Variants in DOCK1 observed in about 807,000 individuals in gnomAD.
DOCK1 encodes dedicator of cytokinesis protein 1.
In DOCK1, 138 loss-of-function variants were observed where a neutral mutation model predicts 262.7. The observed-to-expected ratio is 0.53, with a 90% CI of 0.46 to 0.61. The LOEUF is 0.61. Ranked by LOEUF, DOCK1 falls within the 20% of genes least tolerant of loss-of-function variation. The probability of loss-of-function intolerance (pLI) is 0.00; values close to 1 mark genes in which losing one functional copy is unlikely to be tolerated. For synonymous variants in DOCK1, 866 were observed against 867.4 expected (o/e 1.00, Z 0.03); for missense variants, 1,908 against 2,370.7 (o/e 0.80, Z 4.05).
At chr10:127,025,730 A>G (rs574611353) in intron 15 of DOCK1, among the ~76,000 whole-genome samples, 1 of 152,174 alleles carries the variant, frequency 6.6e-6, no homozygotes, top group African/African-American at 2.4e-5. Context: ...GATTACAGGC[A>G]TGAGCCACCA....
chr10:127,434,263 T>C (rs988743703), intron 48 of DOCK1, among the ~76,000 whole-genome samples: 2 of 152,188 alleles, frequency 1.3e-5, no homozygotes, highest in Admixed American at 6.5e-5. Flanking sequence ...TTTAAGTGAA[T>C]GCTTCTGAGA....
chr10:127,262,213 C>CCTGTGTGT (rs372547717), intron 29 of DOCK1, among the ~76,000 whole-genome samples: 1 of 126,484 alleles, frequency 7.9e-6, no homozygotes, highest in Non-Finnish European at 1.7e-5. Context: ...TGTGTGTGTG[C>CCTGTGTGT]GTGTGTGTGT....
intron 29 of DOCK1, among the ~76,000 whole-genome samples, chr10:127,282,248 T>TTCTCTC (rs146601755): frequency 6.7e-6 from 1 of 149,256 alleles, no homozygotes; most frequent in Non-Finnish European, 1.5e-5. Flanking sequence ...TCTGTCTCTT[T>TTCTCTC]TCTCTCTCTC....
At chr10:127,372,974 A>G (rs562670761) in intron 33 of DOCK1, among the ~76,000 whole-genome samples, 7 of 152,186 alleles carry the variant, frequency 4.6e-5, no homozygotes, top group Non-Finnish European at 7.3e-5. Flanking sequence ...TCAGATGGCT[A>G]TGAACTCTGC....
intron 29 of DOCK1, among the ~76,000 whole-genome samples, chr10:127,258,718 A>T (rs887388877): frequency 1.3e-5 from 2 of 152,224 alleles, no homozygotes; most frequent in Non-Finnish European, 2.9e-5. Flanking sequence ...GAAACTGCCA[A>T]TCTATGGCTG....
At chr10:126,944,796 T>C (rs1033541434) in intron 1 of DOCK1, among the ~76,000 whole-genome samples, 4 of 151,952 alleles carry the variant, frequency 2.6e-5, no homozygotes, top group Admixed American at 2.6e-4. Flanking sequence ...GAGGGTGTTA[T>C]CAACAGCTGT....
At chr10:127,091,131 G>T (rs751481880) in intron 23 of DOCK1, among the ~76,000 whole-genome samples, 6 of 151,870 alleles carry the variant, frequency 4.0e-5, no homozygotes, top group Non-Finnish European at 8.8e-5. Context: ...ACAGGTGCCC[G>T]CCACCGCACC....
intron 35 of DOCK1, among the ~76,000 whole-genome samples, chr10:127,375,883 TC>T (rs1426365602): frequency 1.3e-5 from 2 of 152,192 alleles, no homozygotes; most frequent in Non-Finnish European, 2.9e-5. Flanking sequence ...AATTATTAGT[TC>T]CGTCTTCTTA....
At chr10:127,024,502 G>T (rs904558837) in intron 14 of DOCK1, among the ~76,000 whole-genome samples, 183 bp from the exon 15 acceptor site, 1 of 152,182 alleles carries the variant, frequency 6.6e-6, no homozygotes, top group Non-Finnish European at 1.5e-5. Flanking sequence ...TGAGAACAGG[G>T]GTTGGAGCTG....
At chr10:126,943,589 C>T (rs2035178131) in intron 1 of DOCK1, among the ~76,000 whole-genome samples, 1 of 152,184 alleles carries the variant, frequency 6.6e-6, no homozygotes, top group African/African-American at 2.4e-5. Context: ...TACCCTGTGC[C>T]TGCAAAATGA....
chr10:127,032,286 CACGCTCGT>C lies in DOCK1; in HGVS notation c.1879_1886del (p.Thr627ValfsTer38). On this transcript the variant is annotated frameshift_variant, in exon 18 of 52. Coordinates refer to ENST00000623213, the MANE Select transcript of DOCK1 (RefSeq NM_001290223.2). LOFTEE classifies it high-confidence loss of function. The stretch of plus-strand genomic sequence containing the variant: ...TTAGCAAGGACTCCTTCCAGATCTC[CACGCTCGT>C]GTGCTCCACCAAACTGACTCAGAAC... The C allele has an allele frequency of 6.3e-7, 1 of 1,586,802 alleles. No homozygotes were observed. The highest frequency in any genetic ancestry group is 8.6e-7 in the Non-Finnish European group (1 of 1,168,198).
intron 1 of DOCK1, among the ~76,000 whole-genome samples, chr10:126,916,047 T>C (rs773946562): frequency 2.0e-5 from 3 of 152,176 alleles, no homozygotes; most frequent in Non-Finnish European, 4.4e-5. Context: ...GTTGGGACAC[T>C]ATGGTGTGGA....
chr10:127,145,747 T>G (rs375360107), intron 27 of DOCK1, among the ~76,000 whole-genome samples: 56 of 152,310 alleles, frequency 3.7e-4, no homozygotes, highest in Admixed American at 9.8e-4. Flanking sequence ...CCCGGAACCC[T>G]GGTTTCTAGA....
chr10:127,416,081 C>T (rs1003317899), intron 44 of DOCK1, among the ~76,000 whole-genome samples: 4 of 152,202 alleles, frequency 2.6e-5, no homozygotes, highest in Non-Finnish European at 2.9e-5. Context: ...CAGCGCCGAG[C>T]CTTCTCCTTT....
At chr10:127,180,978 C>A (rs1228768888) in intron 27 of DOCK1, among the ~76,000 whole-genome samples, 1 of 151,998 alleles carries the variant, frequency 6.6e-6, no homozygotes, top group East Asian at 1.9e-4. Flanking sequence ...TCTGGTTTTG[C>A]CAATGAAAAT....
chr10:127,085,124 G>C (rs1055781363), intron 23 of DOCK1, among the ~76,000 whole-genome samples: 1 of 152,212 alleles, frequency 6.6e-6, no homozygotes, highest in Non-Finnish European at 1.5e-5. Flanking sequence ...AGAAAGGGAG[G>C]TTAAGAATCC....
chr10:127,242,993 G>A (rs998661966), intron 27 of DOCK1, among the ~76,000 whole-genome samples: 5 of 152,134 alleles, frequency 3.3e-5, no homozygotes, highest in African/African-American at 1.2e-4. Context: ...GGAATTTAGA[G>A]AACTTAGAAG....
chr10:127,154,945 T>G (rs1300922560), intron 27 of DOCK1, among the ~76,000 whole-genome samples: 3 of 152,210 alleles, frequency 2.0e-5, no homozygotes, highest in African/African-American at 7.2e-5. Context: ...TTCTCCTATT[T>G]TATCCAGCCT....
chr10:127,112,012 GA>G (rs1203420264), intron 25 of DOCK1, among the ~76,000 whole-genome samples: 1 of 150,138 alleles, frequency 6.7e-6, no homozygotes, highest in Non-Finnish European at 1.5e-5. Flanking sequence ...GATTCAATTA[GA>G]TTTTTTTTTT....
Sources: gnomAD v4.1 joint callset for allele counts (sites outside exome capture counted in the v4.1 genomes callset) on GRCh38, gnomAD v4.1.1 for gene constraint, MANE v1.5 for transcripts, NCBI Gene and HGNC (gene_info 2026-07-23, HGNC 2026-07-21) for gene names.